Variants in FARP2 observed in about 807,000 individuals in gnomAD.
The protein encoded by FARP2 is FERM, ARHGEF and pleckstrin domain-containing protein 2.
A neutral mutation model predicts 130.5 loss-of-function variants in FARP2; 111 were observed. The ratio of observed to expected loss-of-function variants is 0.85; its 90% confidence interval spans 0.73 to 1.00. The LOEUF (loss-of-function observed/expected upper bound fraction) is 1.00. Ranked by LOEUF, FARP2 falls within the 50% of genes least tolerant of loss-of-function variation. The pLI, the probability that FARP2 is intolerant of heterozygous loss-of-function variation, is 0.00. For missense variants in FARP2, 1,385 were observed against 1,346.3 expected (o/e 1.03, Z -0.45); for synonymous variants, 504 against 516.9 (o/e 0.98, Z 0.34).
rs2065038820 is a variant in FARP2, at chr2:241,494,127, G to A, written c.*2G>A. 9 of 1,461,930 alleles carry A rather than the reference G, an allele frequency of 6.2e-6. No individual in the cohort carries two copies. Among genetic ancestry groups the A allele is most frequent in the African/African-American group, 4.5e-5 (3 of 67,348 alleles). The allele number at this position is 1,461,930 out of a possible 1,614,324, so 90.6% of individuals were successfully genotyped here. ...ATGGTCAGGGGGAAGGAGGAATGAC[G>A]CTCAACCTGCCCAGGTTTGGACACA... is the stretch of plus-strand genomic sequence containing the variant. On this transcript the variant is annotated 3_prime_UTR_variant, in exon 27 of 27. Coordinates refer to ENST00000264042, the MANE Select transcript of FARP2 (RefSeq NM_014808.4). This position sits in a 1 kb window ranked among gnomAD's most constrained non-coding sequence, Gnocchi z 4.9.
intron 12 of FARP2, among the ~76,000 whole-genome samples, chr2:241,439,491 G>A (rs1379649964): frequency 6.6e-6 from 1 of 152,006 alleles, no homozygotes; most frequent in African/African-American, 2.4e-5. Context: ...CACAATGCCT[G>A]GCTGATTTTT....
intron 8 of FARP2, among the ~76,000 whole-genome samples, chr2:241,427,613 C>G (rs1363790376): frequency 6.6e-6 from 1 of 152,148 alleles, no homozygotes; most frequent in Non-Finnish European, 1.5e-5. Flanking sequence ...TGGAACCAAT[C>G]CCCTACAGAT....
Position 241,491,156 on chromosome 2 carries a change from G to A in FARP2, c.2600G>A (p.Arg867His), listed in dbSNP as rs765511185. The A allele has an allele frequency of 6.3e-5, 101 of 1,612,320 alleles. No homozygotes were observed. The highest frequency in any genetic ancestry group is 8.8e-5 in the South Asian group (8 of 91,070). Reference protein sequence around the residue: ...GGDTAPALPGRTVCTRPPRSP... With the variant: ...GGDTAPALPGHTVCTRPPRSP... ...GACACGGCCCCTGCACTGCCAGGCCGCACTGTGTGCACTCGTCCCCCCAGT... is the reference window on the plus strand; with the variant it reads ...GACACGGCCCCTGCACTGCCAGGCCACACTGTGTGCACTCGTCCCCCCAGT... The change falls in exon 23 of 27, where the codon CGC (arginine) becomes CAC (histidine). Residue 867 changes from arginine (R) to histidine (H), a missense_variant. Transcript: ENST00000264042.
intron 12 of FARP2, among the ~76,000 whole-genome samples, chr2:241,437,980 G>A (rs1485023631): frequency 1.3e-5 from 2 of 151,844 alleles, no homozygotes; most frequent in African/African-American, 4.8e-5. Context: ...GCTGATTTTT[G>A]TGTTTTTTAG....
intron 12 of FARP2, among the ~76,000 whole-genome samples, chr2:241,440,734 A>G (rs1208156351): frequency 1.3e-5 from 2 of 152,062 alleles, no homozygotes; most frequent in South Asian, 2.1e-4. Context: ...TTAGGGTTCT[A>G]TTGGCTGAGT....
chr2:241,373,504 T>C (rs2061468565), intron 2 of FARP2, among the ~76,000 whole-genome samples: 1 of 152,220 alleles, frequency 6.6e-6, no homozygotes, highest in South Asian at 2.1e-4. Context: ...GTAGTACAAT[T>C]TGGTCTTTCT....
rs886815 is a variant in FARP2, at chr2:241,457,011, G to A, written c.1587+89G>A. 31,691 of 1,255,110 alleles carry A rather than the reference G, an allele frequency of 0.025. 2,334 individuals are homozygous for A. The East Asian group carries it at 0.29, about 11-fold the overall frequency. 77.7% of individuals were successfully genotyped at this position (1,255,110 alleles called of 1,614,324 possible). A position where few individuals can be genotyped will look rare whatever the true frequency, so the allele number is the denominator to read the frequency against. On this transcript the variant is annotated intron_variant, in intron 14 of 26. Transcript: ENST00000264042. ...TTCGGGTGGTGCTGGTGGGGACCCT[G>A]GGGCGGGGCAGGGAAGGGCTCTGCA...
intron 13 of FARP2, among the ~76,000 whole-genome samples, chr2:241,452,755 A>G (rs1345501427): frequency 1.3e-5 from 2 of 152,046 alleles, no homozygotes; most frequent in African/African-American, 4.8e-5. Flanking sequence ...AGCCTGGCCA[A>G]CATGGTGAAA....
chr2:241,486,461 CAAAAAAAAAAAA>C (rs56961097), intron 21 of FARP2, among the ~76,000 whole-genome samples: 3 of 50,018 alleles, frequency 6.0e-5, no homozygotes, highest in Admixed American at 3.5e-4. Flanking sequence ...GACCTCGTCT[CAAAAAAAAAAAA>C]AAAAAAAAAA....
At position 241,427,748 on chromosome 2, in the gene FARP2, C is replaced by T. The variant is rs115702772; in HGVS notation, c.772-3931C>T. ...TTCTTGGGAGGGCTTCATCTCTTACCTCCGTGGCAGGCCCTCGGTTTTTTG... is the reference window on the plus strand; with the variant it reads ...TTCTTGGGAGGGCTTCATCTCTTACTTCCGTGGCAGGCCCTCGGTTTTTTG... On this transcript the variant is annotated intron_variant, in intron 8 of 26. Coordinates refer to ENST00000264042, the MANE Select transcript of FARP2 (RefSeq NM_014808.4). Among the ~76,000 whole-genome samples the T allele has an allele frequency of 2.8e-3, 420 of 152,152 alleles. 2 individuals are homozygous for T. Among genetic ancestry groups the T allele is most frequent in the African/African-American group, 9.9e-3 (411 of 41,508 alleles).
rs2064081038 is a variant in FARP2, at chr2:241,463,469, G to A, written c.1811+1G>A. 3 of 1,612,928 alleles carry A rather than the reference G, an allele frequency of 1.9e-6. No individual in the cohort carries two copies. The highest frequency in any genetic ancestry group is 2.5e-6 in the Non-Finnish European group (3 of 1,179,780). ...AGGTGGAGCAGAGGCTGGCACTCTG[G>A]TAACACCCCTTCAGCCCCCACACGG... On this transcript the variant is annotated splice_donor_variant, in intron 16 of 26. Transcript: ENST00000264042. LOFTEE classifies it high-confidence loss of function.
In FARP2 at chr2:241,411,081, G is replaced by A. The variant is rs1205913766; in HGVS notation, c.459G>A (p.Leu153=). ...QLKRDLLEER[L]TCADTTAALL... ...AGAGAGACCTGCTGGAAGAGCGTTT[G>A]ACCTGTGCTGACACCACAGCGGCCC... Residue 153 remains leucine, a synonymous_variant, in exon 6 of 27, where the codon TTG becomes TTA. Transcript: ENST00000264042. The A allele has an allele frequency of 6.2e-7, 1 of 1,612,558 alleles. No homozygotes were observed. The highest frequency in any genetic ancestry group is 8.5e-7 in the Non-Finnish European group (1 of 1,179,262).
Position 241,373,066 on chromosome 2 carries a change from T to A in FARP2, c.-24-18T>A. Reference sequence around the variant, plus strand: ...ATGTGATAATTCCTTCATGTGGTTTTTTTTTTTTTCATTTTAGTGTTTTCT... The same window carrying A: ...ATGTGATAATTCCTTCATGTGGTTTATTTTTTTTTCATTTTAGTGTTTTCT... On this transcript the variant is annotated intron_variant, in intron 1 of 26. Transcript: ENST00000264042. The A allele has an allele frequency of 7.9e-7, 1 of 1,269,082 alleles. No homozygotes were observed. The allele number at this position is 1,269,082 out of a possible 1,614,324, so 78.6% of individuals were successfully genotyped here. A position where few individuals can be genotyped will look rare whatever the true frequency, so the allele number is the denominator to read the frequency against.
At chr2:241,467,400 C>T (rs2064198532) in intron 17 of FARP2, among the ~76,000 whole-genome samples, 1 of 152,164 alleles carries the variant, frequency 6.6e-6, no homozygotes, top group African/African-American at 2.4e-5. Flanking sequence ...AATCCCAGCA[C>T]TTTGGGAGGC....
intron 4 of FARP2, 62 bp from the exon 5 acceptor site, chr2:241,407,475 A>T: frequency 2.5e-6 from 3 of 1,209,138 alleles, no homozygotes; most frequent in Non-Finnish European, 3.7e-6. Context: ...ACAGTAATAT[A>T]TGAAAAGAGA....
intron 23 of FARP2, 81 bp from the exon 24 acceptor site, chr2:241,491,423 CCAGGACCCCCGA>C (rs1217882164): frequency 7.1e-7 from 1 of 1,410,842 alleles, no homozygotes; most frequent in Non-Finnish European, 9.7e-7. Context: ...CCCCATTTCC[CCAGGACCCCCGA>C]GAGGAACCCA....
chr2:241,491,077 G>C lies in FARP2; in HGVS notation c.2521G>C (p.Glu841Gln). The C allele has an allele frequency of 6.2e-7, 1 of 1,613,578 alleles. No homozygotes were observed. Among genetic ancestry groups the C allele is most frequent in the Non-Finnish European group, 8.5e-7 (1 of 1,179,912 alleles). The change falls in exon 23 of 27, where the codon GAG becomes CAG. Residue 841 changes from glutamate to glutamine, a missense_variant. Physicochemically the swap from Glu to Gln is conservative, Grantham distance 29 (BLOSUM62 2). Coordinates refer to ENST00000264042, the MANE Select transcript of FARP2 (RefSeq NM_014808.4). Reference protein sequence around the residue: ...VVAASTRLEKEKWMLDLNSAI... With the variant: ...VVAASTRLEKQKWMLDLNSAI... Reference sequence around the variant, plus strand: ...TCCCTGCAGCACTCGGCTGGAGAAAGAGAAGTGGATGCTGGACCTGAACTC... The same window carrying C: ...TCCCTGCAGCACTCGGCTGGAGAAACAGAAGTGGATGCTGGACCTGAACTC...
At chr2:241,406,627 TG>T (rs534840095) in intron 4 of FARP2, among the ~76,000 whole-genome samples, 2 of 140,804 alleles carry the variant, frequency 1.4e-5, no homozygotes, top group African/African-American at 5.4e-5. Context: ...GGGGTTTTTT[TG>T]GGGGGGAGAG....
chr2:241,445,109 T>A (rs1309181651), intron 13 of FARP2: 2 of 151,982 alleles, frequency 1.3e-5, no homozygotes, highest in Non-Finnish European at 2.9e-5. Flanking sequence ...TTTAAAAAAT[T>A]TTTGTGGAGA....
Sources: allele counts gnomAD v4.1 joint callset (sites outside exome capture counted in the v4.1 genomes callset), GRCh38; gene constraint gnomAD v4.1.1; non-coding constraint Gnocchi (gnomAD v3.1); transcripts MANE v1.5; gene names NCBI Gene and HGNC (gene_info 2026-07-23, HGNC 2026-07-21).